The following WDR41 variants were observed in gnomAD, a reference collection of about 807,000 sequenced individuals.
The protein encoded by WDR41 is WD repeat-containing protein 41.
Under a neutral mutation model 69.3 loss-of-function variants are expected in WDR41, and 63 were observed. The ratio of observed to expected loss-of-function variants is 0.91; its 90% CI spans 0.74 to 1.12. The LOEUF (loss-of-function observed/expected upper bound fraction) is 1.12, where lower values mean the gene tolerates loss of function less well. Among genes scored for constraint, WDR41 ranks in the 50% most tolerant of loss-of-function variants. The pLI, the probability that WDR41 is intolerant of heterozygous loss-of-function variation, is 0.00. For missense variants in WDR41, 543 were observed against 534.5 expected (o/e 1.02, Z -0.16); for synonymous variants, 185 against 192.1 (o/e 0.96, Z 0.31).
At chr5:77,450,592 G>A (rs191633461) in intron 7 of WDR41, among the ~76,000 whole-genome samples, 22 of 152,160 alleles carry the variant, frequency 1.4e-4, no homozygotes, top group Admixed American at 5.9e-4. Context: ...GGAACTCTAC[G>A]TACCAAATGT....
At chr5:77,511,229 A>G (rs905495369) in intron 1 of WDR41, among the ~76,000 whole-genome samples, 2 of 152,130 alleles carry the variant, frequency 1.3e-5, no homozygotes, top group Non-Finnish European at 2.9e-5. Flanking sequence ...AAATACAACC[A>G]GTTCATTCTC....
At chr5:77,578,310 T>G (rs1356013174) in intron 1 of WDR41, among the ~76,000 whole-genome samples, 1 of 152,160 alleles carries the variant, frequency 6.6e-6, no homozygotes, top group African/African-American at 2.4e-5. Context: ...GAGGGTAGGA[T>G]TCACTAAAAT....
At chr5:77,537,618 A>T (rs1299851646) in intron 1 of WDR41, among the ~76,000 whole-genome samples, 1 of 151,940 alleles carries the variant, frequency 6.6e-6, no homozygotes, top group Non-Finnish European at 1.5e-5. Flanking sequence ...GATAAAGGAG[A>T]TGTTTCGGGG....
chr5:77,546,063 C>A, intron 1 of WDR41: 1 of 548,116 alleles, frequency 1.8e-6, no homozygotes, highest in Non-Finnish European at 3.1e-6. Context: ...TACACCTCAG[C>A]CAGGGGCTGC....
chr5:77,586,106 C>T (rs374851971), intron 1 of WDR41, among the ~76,000 whole-genome samples: 2 of 151,912 alleles, frequency 1.3e-5, no homozygotes, highest in African/African-American at 4.8e-5. Flanking sequence ...CTTTTTTAAC[C>T]ATGGCAGTTT....
At chr5:77,620,293 T>C (rs1288700720) in intron 1 of WDR41, among the ~76,000 whole-genome samples, 1 of 152,242 alleles carries the variant, frequency 6.6e-6, no homozygotes, top group Non-Finnish European at 1.5e-5. Flanking sequence ...ATTCTTTCTA[T>C]ACTAAAATTA....
chr5:77,492,095 A>T lies in WDR41; in HGVS notation c.51+75T>A, dbSNP rs532464101. 1.2e-4 allele frequency: 183 copies of T among 1,563,676 alleles called. No homozygotes were observed. In the Admixed American group the frequency reaches 3.1e-3, roughly 26 times the overall value. On this transcript the variant is annotated intron_variant, in intron 1 of 12. Coordinates refer to ENST00000296679, the MANE Select transcript of WDR41 (RefSeq NM_018268.4). ...GCCCGGGTCCCCGCGGTCGGAACCC[A>T]GGAAGGCCGAACCGGAACGAAGCCG...
intron 1 of WDR41, among the ~76,000 whole-genome samples, chr5:77,597,350 A>T (rs1744245381): frequency 6.6e-6 from 1 of 152,206 alleles, no homozygotes; most frequent in African/African-American, 2.4e-5. Context: ...TTTGAATATT[A>T]ATGAGTGTTT....
chr5:77,540,704 C>CAAAGA (rs1237725741), intron 1 of WDR41, among the ~76,000 whole-genome samples: 71 of 72,620 alleles, frequency 9.8e-4, no homozygotes, highest in African/African-American at 3.8e-3. Flanking sequence ...AAGACCCTGT[C>CAAAGA]AAAGAAAAGA....
intron 1 of WDR41, among the ~76,000 whole-genome samples, chr5:77,504,293 T>C (rs1038089652): frequency 3.3e-5 from 5 of 152,130 alleles, no homozygotes; most frequent in African/African-American, 7.2e-5. Flanking sequence ...ATAAATTCCT[T>C]GACACATACA....
At chr5:77,482,141 G>C (rs183893658) in intron 2 of WDR41, among the ~76,000 whole-genome samples, 39 of 152,284 alleles carry the variant, frequency 2.6e-4, no homozygotes, top group East Asian at 1.5e-3. Context: ...CCTGTCTCTA[G>C]TAATTATCAA....
At chr5:77,502,593 T>G (rs367666274) in intron 1 of WDR41, among the ~76,000 whole-genome samples, 1 of 152,128 alleles carries the variant, frequency 6.6e-6, no homozygotes, top group African/African-American at 2.4e-5. Flanking sequence ...TTGAAATGAA[T>G]GAAAAAATGT....
intron 2 of WDR41, among the ~76,000 whole-genome samples, chr5:77,488,505 G>A (rs1425422003): frequency 6.6e-6 from 1 of 150,924 alleles, no homozygotes; most frequent in Non-Finnish European, 1.5e-5. Flanking sequence ...CAGCAGAAGT[G>A]GTGGTCAGAG....
At chr5:77,433,907 T>C (rs1165215400) in intron 12 of WDR41, among the ~76,000 whole-genome samples, 6 of 152,270 alleles carry the variant, frequency 3.9e-5, no homozygotes, top group East Asian at 1.9e-4. Context: ...AGTGAAGGAA[T>C]AGGCTGGAAG....
At chr5:77,441,947 T>C (rs1799184582) in intron 8 of WDR41, among the ~76,000 whole-genome samples, 1 of 152,128 alleles carries the variant, frequency 6.6e-6, no homozygotes, top group Non-Finnish European at 1.5e-5. Context: ...GAAAAGATGT[T>C]CAACTCCTTT....
intron 1 of WDR41, among the ~76,000 whole-genome samples, chr5:77,594,327 A>C (rs998878146): frequency 2.0e-5 from 3 of 151,792 alleles, no homozygotes; most frequent in Non-Finnish European, 4.4e-5. Context: ...TGACGAGTTA[A>C]TGGGTGCAGC....
Position 77,433,014 on chromosome 5 carries a change from G to A in WDR41, c.*121C>T, listed in dbSNP as rs1454905145. The A allele has an allele frequency of 1.4e-5, 17 of 1,182,866 alleles. No individual in the cohort carries two copies. The highest frequency in any genetic ancestry group is 1.9e-5 in the Non-Finnish European group (16 of 862,492). 73.3% of individuals were successfully genotyped at this position (1,182,866 alleles called of 1,614,324 possible). ...GGTCCACAAAAAATTTAAACATGTA[G>A]AATTTTATGGACTGACAAAAAAAAT... On this transcript the variant is annotated 3_prime_UTR_variant, in exon 13 of 13. Transcript: ENST00000296679.
intron 11 of WDR41, 77 bp from the exon 12 acceptor site, chr5:77,436,471 T>C: frequency 6.4e-7 from 1 of 1,561,720 alleles, no homozygotes; most frequent in African/African-American, 1.4e-5. Context: ...AAAATTTAAA[T>C]GTGAAGAGGT....
At chr5:77,523,989 A>G (rs970180509) in intron 1 of WDR41, among the ~76,000 whole-genome samples, 6 of 152,232 alleles carry the variant, frequency 3.9e-5, no homozygotes, top group Admixed American at 3.3e-4. Flanking sequence ...CCCTTTAATA[A>G]GAAAACAATC....
Sources: gnomAD v4.1 joint callset for allele counts (sites outside exome capture counted in the v4.1 genomes callset) on GRCh38, gnomAD v4.1.1 for gene constraint, MANE v1.5 for transcripts, NCBI Gene and HGNC (gene_info 2026-07-23, HGNC 2026-07-21) for gene names.